EML4: variants seen among roughly 807,000 people sequenced by gnomAD.
EML4 encodes the protein echinoderm microtubule-associated protein-like 4.
EML4 carries 72 observed loss-of-function variants against 129.0 expected under a neutral mutation model. The observed-to-expected ratio is 0.56, with a 90% CI of 0.46 to 0.68. The LOEUF is 0.68. Among genes scored for constraint, EML4 ranks in the 30% least tolerant of loss-of-function variants. The pLI is 0.00. For synonymous variants in EML4, 532 were observed against 405.0 expected (o/e 1.31, Z -3.77); for missense variants, 1,363 against 1,190.6 (o/e 1.14, Z -2.13).
chr2:42,273,255 C>A (rs1164341132), intron 6 of EML4, among the ~76,000 whole-genome samples: 3 of 152,068 alleles, frequency 2.0e-5, no homozygotes, highest in African/African-American at 7.2e-5. Context: ...AAGTTTTAAG[C>A]AGTATAGTTA....
At chr2:42,183,330 A>ATT (rs1671055763) in intron 1 of EML4, among the ~76,000 whole-genome samples, 1 of 152,184 alleles carries the variant, frequency 6.6e-6, no homozygotes, top group Admixed American at 6.5e-5. Flanking sequence ...TTTTAATTAA[A>ATT]TTATTCACTG....
rs1435820309 is a variant in EML4, at chr2:42,328,004, TAAAAAC to T, written c.2342-877_2342-872del. Among the ~76,000 whole-genome samples the T allele has an allele frequency of 3.3e-5, 5 of 152,262 alleles. No individual in the cohort carries two copies. In the East Asian group the frequency reaches 5.8e-4, roughly 18 times the overall value. ...GAAGCCTAATAGGCCAGGAAGGAAT[TAAAAAC>T]AAAATAATTCTGTCCATAAACAATT... On this transcript the variant is annotated intron_variant, in intron 21 of 22. Transcript: ENST00000318522.
At chr2:42,282,569 A>G (rs1435775467) in intron 7 of EML4, among the ~76,000 whole-genome samples, 1 of 151,144 alleles carries the variant, frequency 6.6e-6, no homozygotes, top group Non-Finnish European at 1.5e-5. Context: ...AATTTTTTTT[A>G]TTTTCTGTCG....
intron 1 of EML4, among the ~76,000 whole-genome samples, chr2:42,216,175 G>A (rs967999866): frequency 5.4e-5 from 8 of 148,028 alleles, no homozygotes; most frequent in African/African-American, 1.0e-4. Flanking sequence ...CTGCCTCGGC[G>A]TCCCAAACCA....
At chr2:42,291,766 T>A (rs966556602) in intron 11 of EML4, among the ~76,000 whole-genome samples, 2 of 152,098 alleles carry the variant, frequency 1.3e-5, no homozygotes, top group Non-Finnish European at 2.9e-5. Context: ...AACAAAACAC[T>A]CATATTCTGA....
chr2:42,229,639 A>T lies in EML4; in HGVS notation c.26-15866A>T, dbSNP rs549352508. On this transcript the variant is annotated intron_variant, in intron 1 of 22. Coordinates refer to ENST00000318522, the MANE Select transcript of EML4 (RefSeq NM_019063.5). Reference sequence around the variant, plus strand: ...AAATACTGAGTTTGTCAGAGGAATCAGGGAGGGAAGTAAAGTAGATTTTTT... The same window carrying T: ...AAATACTGAGTTTGTCAGAGGAATCTGGGAGGGAAGTAAAGTAGATTTTTT... Among the ~76,000 whole-genome samples the T allele has an allele frequency of 3.3e-5, 5 of 152,306 alleles. No homozygotes were observed. The South Asian group carries it at 8.3e-4, about 25-fold the overall frequency.
In EML4 at chr2:42,323,217, A is replaced by C. The variant is rs557670460; in HGVS notation, c.2155-2250A>C. ...TTGTTAAATCTTCATCCACGTAGCA[A>C]GTTTTAATTTCAGAAGCATGGCTTC... On this transcript the variant is annotated intron_variant, in intron 19 of 22. Coordinates refer to ENST00000318522, the MANE Select transcript of EML4 (RefSeq NM_019063.5). 3.3e-5 allele frequency among the ~76,000 whole-genome samples: 5 copies of C among 152,288 alleles called. No individual in the cohort carries two copies. In the South Asian group the frequency reaches 1.0e-3, roughly 32 times the overall value.
intron 11 of EML4, among the ~76,000 whole-genome samples, chr2:42,290,836 TAGG>T (rs1667601206): frequency 6.6e-6 from 1 of 152,148 alleles, no homozygotes; most frequent in Non-Finnish European, 1.5e-5. Flanking sequence ...TAATCATGGA[TAGG>T]AGACGATGAA....
At chr2:42,300,846 C>G (rs1348152387) in intron 13 of EML4, among the ~76,000 whole-genome samples, 1 of 152,162 alleles carries the variant, frequency 6.6e-6, no homozygotes. Context: ...TAAGCTGCTC[C>G]TGTACCTCTT....
intron 14 of EML4, among the ~76,000 whole-genome samples, chr2:42,302,614 A>G (rs1572720536): frequency 6.6e-6 from 1 of 151,498 alleles, no homozygotes; most frequent in African/African-American, 2.4e-5. Flanking sequence ...GCTAACTGCA[A>G]CCTCTGCCTC....
At position 42,325,491 on chromosome 2, in the gene EML4, C is replaced by A. The variant is rs1669736094; in HGVS notation, c.2179C>A (p.Leu727Ile). 1 of 1,577,152 alleles carries A rather than the reference C, an allele frequency of 6.3e-7. No homozygotes were observed. The highest frequency in any genetic ancestry group is 8.7e-7 in the Non-Finnish European group (1 of 1,152,358). ...CTGHSSYITHLDWSPDNKYIM... is the reference protein window; with the variant it reads ...CTGHSSYITHIDWSPDNKYIM... ...GGGACATTCCAGCTACATCACACAC[C>A]TTGACTGGTCCCCAGACAACAAGTA... The change falls in exon 20 of 23, where the codon CTT becomes ATT. Residue 727 changes from leucine (L) to isoleucine (I), a missense_variant. Leu to Ile is a conservative substitution (Grantham distance 5). Transcript: ENST00000318522.
intron 17 of EML4, among the ~76,000 whole-genome samples, chr2:42,309,521 G>A (rs770156687): frequency 2.2e-4 from 33 of 150,524 alleles, no homozygotes; most frequent in Non-Finnish European, 4.4e-4. Context: ...TACCAGCAAT[G>A]TATGAGGGTT....
At chr2:42,195,529 A>C (rs890213662) in intron 1 of EML4, among the ~76,000 whole-genome samples, 5 of 152,256 alleles carry the variant, frequency 3.3e-5, no homozygotes, top group Admixed American at 2.6e-4. Flanking sequence ...GTATAAAAAT[A>C]CAAGACATAG....
intron 6 of EML4, among the ~76,000 whole-genome samples, chr2:42,280,476 T>C (rs1666943063): frequency 6.6e-6 from 1 of 152,260 alleles, no homozygotes; most frequent in South Asian, 2.1e-4. Context: ...GGAAAAAAAT[T>C]GTCTGTTATA....
In EML4 at chr2:42,332,459, G is replaced by T. The variant is rs964269418; in HGVS notation, c.*2252G>T. On this transcript the variant is annotated 3_prime_UTR_variant, in exon 23 of 23. Coordinates refer to ENST00000318522, the MANE Select transcript of EML4 (RefSeq NM_019063.5). ...GAATCCAAGTGTTTCATGTGAAGAT[G>T]TTGAGCCATTGCTATCATGCATTCC... 1 of 197,084 alleles carries T rather than the reference G, an allele frequency of 5.1e-6. No homozygotes were observed. Among genetic ancestry groups the T allele is most frequent in the African/African-American group, 2.3e-5 (1 of 43,252 alleles). 12.2% of individuals were successfully genotyped at this position (197,084 alleles called of 1,614,324 possible).
chr2:42,303,163 A>G lies in EML4; in HGVS notation c.1701A>G (p.Leu567=), dbSNP rs1668387933. The stretch of plus-strand genomic sequence containing the variant: ...CAGAAGGAAAGGCAGATCAATTTTT[A>G]GTAGGCACATCACGAAACTTTATTT... ...AVAEGKADQF[L]VGTSRNFILR... is the part of the protein sequence containing the mutation. Residue 567 remains leucine (L), a synonymous_variant, in exon 15 of 23, where the codon TTA becomes TTG. Transcript: ENST00000318522. The G allele has an allele frequency of 6.2e-7, 1 of 1,614,164 alleles. No homozygotes were observed. The highest frequency in any genetic ancestry group is 8.5e-7 in the Non-Finnish European group (1 of 1,179,992).
intron 1 of EML4, among the ~76,000 whole-genome samples, chr2:42,186,090 T>TAAA (rs1671234490): frequency 6.6e-6 from 1 of 152,138 alleles, no homozygotes; most frequent in Non-Finnish European, 1.5e-5. Flanking sequence ...CTTTAAAAAG[T>TAAA]CTATGCTTTT....
At chr2:42,214,343 T>C (rs919761265) in intron 1 of EML4, among the ~76,000 whole-genome samples, 2 of 152,194 alleles carry the variant, frequency 1.3e-5, no homozygotes, top group Non-Finnish European at 2.9e-5. Flanking sequence ...TTATAAGGCG[T>C]TTGTATATTT....
intron 1 of EML4, among the ~76,000 whole-genome samples, chr2:42,203,680 T>C (rs1489520409): frequency 6.6e-6 from 1 of 150,814 alleles, no homozygotes; most frequent in Non-Finnish European, 1.5e-5. Flanking sequence ...CCACATATTT[T>C]GGTGTGAATT....
Sources: gnomAD v4.1 joint callset for allele counts (sites outside exome capture counted in the v4.1 genomes callset) on GRCh38, gnomAD v4.1.1 for gene constraint, MANE v1.5 for transcripts, NCBI Gene and HGNC (gene_info 2026-07-23, HGNC 2026-07-21) for gene names.